Variants in INTS2 observed in about 807,000 individuals in gnomAD.
The protein encoded by INTS2 is integrator complex subunit 2.
INTS2 carries 57 observed loss-of-function variants against 139.6 expected under a neutral mutation model. The observed-to-expected ratio is 0.41, with a 90% CI of 0.33 to 0.51. The LOEUF (loss-of-function observed/expected upper bound fraction) is 0.51, where lower values mean the gene tolerates loss of function less well. Among genes scored for constraint, INTS2 ranks in the 20% least tolerant of loss-of-function variants. The pLI is 0.28. For synonymous variants in INTS2, 473 were observed against 493.4 expected (o/e 0.96, Z 0.55); for missense variants, 1,196 against 1,436.7 (o/e 0.83, Z 2.71).
rs2079360725 is a variant in INTS2, at chr17:61,897,426, GA to G, written c.1494+42del. The stretch of plus-strand genomic sequence containing the variant: ...ACACTACAACAAAATGTCCAGCTTA[GA>G]AACACCTTTTTTTTTTTAGAAAGAA... On this transcript the variant is annotated intron_variant, in intron 11 of 24. Coordinates refer to ENST00000251334, the MANE Select transcript of INTS2 (RefSeq NM_001351695.2). This position sits in a 1 kb window ranked among gnomAD's most constrained non-coding sequence, Gnocchi z 4.4. 16 of 1,201,932 alleles carry G rather than the reference GA, an allele frequency of 1.3e-5. No individual in the cohort carries two copies. Among genetic ancestry groups the G allele is most frequent in the Non-Finnish European group, 1.8e-5 (15 of 853,926 alleles). The allele number at this position is 1,201,932 out of a possible 1,614,324, so 74.5% of individuals were successfully genotyped here. A position where few individuals can be genotyped will look rare whatever the true frequency, so the allele number is the denominator to read the frequency against.
rs1367132461 is a variant in INTS2, at chr17:61,865,412, T to C, written c.*2145A>G. On this transcript the variant is annotated 3_prime_UTR_variant, in exon 25 of 25. Coordinates refer to ENST00000251334, the MANE Select transcript of INTS2 (RefSeq NM_001351695.2). This position sits in a 1 kb window ranked among gnomAD's most constrained non-coding sequence, Gnocchi z 4.8. ...AATGTTTATAAACCAATATTCAAAA[T>C]AGCTGCACACATCTGTTTTCACTTG... The C allele has an allele frequency of 1.3e-5, 2 of 152,758 alleles. No homozygotes were observed. Among genetic ancestry groups the C allele is most frequent in the South Asian group, 4.1e-4 (2 of 4,830 alleles). The allele number at this position is 152,758 out of a possible 1,614,324, so 9.5% of individuals were successfully genotyped here.
chr17:61,890,538 A>AG (rs1170073741), intron 14 of INTS2, among the ~76,000 whole-genome samples: 1 of 150,488 alleles, frequency 6.6e-6, no homozygotes, highest in African/African-American at 2.4e-5. Flanking sequence ...TGAACCCAGG[A>AG]GGCAGAGTTT....
intron 8 of INTS2, among the ~76,000 whole-genome samples, chr17:61,906,392 A>C (rs1603380174): frequency 1.3e-5 from 2 of 152,200 alleles, no homozygotes; most frequent in South Asian, 4.1e-4. Flanking sequence ...CATGAATCAA[A>C]TAACAGGTGT....
In INTS2 at chr17:61,897,027, T is replaced by G. The variant is rs75505779; in HGVS notation, c.1494+442A>C. Among the ~76,000 whole-genome samples the G allele has an allele frequency of 1.3e-5, 2 of 152,078 alleles. No homozygotes were observed. The highest frequency in any genetic ancestry group is 4.8e-5 in the African/African-American group (2 of 41,422). ...AGCATTATACAGAAACTAGAAAATC[T>G]ACATGGGAAATAATAAGGGACCTAT... On this transcript the variant is annotated intron_variant, in intron 11 of 24. Coordinates refer to ENST00000251334, the MANE Select transcript of INTS2 (RefSeq NM_001351695.2). The surrounding 1 kb of genome is among the most constrained non-coding windows in gnomAD (Gnocchi z 4.4).
chr17:61,899,855 C>T (rs1432356305), intron 9 of INTS2, among the ~76,000 whole-genome samples: 2 of 149,998 alleles, frequency 1.3e-5, no homozygotes, highest in African/African-American at 4.9e-5. Context: ...AAGGCTGCAG[C>T]GAGCCCTGAT....
At chr17:61,904,739 G>A (rs181287387) in intron 8 of INTS2, among the ~76,000 whole-genome samples, 154 bp from the exon 9 acceptor site, 109 of 152,264 alleles carry the variant, frequency 7.2e-4, no homozygotes, top group South Asian at 3.7e-3. Context: ...ATGCAAAACT[G>A]TTGAGAAATT....
At chr17:61,924,597 T>A (rs958980863) in intron 3 of INTS2, among the ~76,000 whole-genome samples, 5 of 152,136 alleles carry the variant, frequency 3.3e-5, no homozygotes, top group African/African-American at 1.2e-4. Flanking sequence ...GGCGGGTGGA[T>A]CACCTGAGTT....
chr17:61,888,577 G>A (rs1000526561), intron 15 of INTS2, among the ~76,000 whole-genome samples: 2 of 151,942 alleles, frequency 1.3e-5, no homozygotes, highest in Non-Finnish European at 2.9e-5. Flanking sequence ...GTGTGTGTGT[G>A]TGTGTGTGTG....
In INTS2 at chr17:61,903,917, G is replaced by C. The variant is rs147959992; in HGVS notation, c.1307+543C>G. 4.2e-3 allele frequency among the ~76,000 whole-genome samples: 645 copies of C among 152,058 alleles called. 4 individuals carry two copies. Among genetic ancestry groups the C allele is most frequent in the African/African-American group, 0.015 (620 of 41,478 alleles). Reference sequence around the variant, plus strand: ...AAAAATACCTAAAAGCAAAAATCAAGAGGTATCAAATACAAACATATTATT... The same window carrying C: ...AAAAATACCTAAAAGCAAAAATCAACAGGTATCAAATACAAACATATTATT... On this transcript the variant is annotated intron_variant, in intron 9 of 24. Transcript: ENST00000251334.
intron 9 of INTS2, among the ~76,000 whole-genome samples, chr17:61,898,346 G>A (rs2079370300): frequency 6.6e-6 from 1 of 152,152 alleles, no homozygotes; most frequent in Non-Finnish European, 1.5e-5. Context: ...CCAGGCTGGA[G>A]TGCAGTGGCG....
At chr17:61,911,420 AACCACTTGTCTAATG>A in intron 7 of INTS2, 85 bp downstream of exon 7, 1 of 999,326 alleles carries the variant, frequency 1.0e-6, no homozygotes, top group Non-Finnish European at 1.4e-6. Flanking sequence ...AAAGTGTGAG[AACCACTTGTCTAATG>A]ACATCATTCA....
At position 61,911,996 on chromosome 17, in the gene INTS2, A is replaced by C; in HGVS notation, c.724T>G (p.Leu242Val). 1 of 1,613,876 alleles carries C rather than the reference A, an allele frequency of 6.2e-7. No individual in the cohort carries two copies. The highest frequency in any genetic ancestry group is 1.3e-5 in the African/African-American group (1 of 75,038). Residue 242 changes from leucine to valine, a missense_variant, in exon 6 of 25, where the codon TTA becomes GTA. Transcript: ENST00000251334. ...GGATTCATTTTACACAAGAAGCGTAAGGCATCTGTCCTGCGCCTTCCTCCA... is the reference window on the plus strand; with the variant it reads ...GGATTCATTTTACACAAGAAGCGTACGGCATCTGTCCTGCGCCTTCCTCCA... ...SLGGRRRTDA[L>V]RFLCKMNPSQ...
Position 61,897,391 on chromosome 17 carries a change from C to T in INTS2, c.1494+78G>A. On this transcript the variant is annotated intron_variant, in intron 11 of 24. Transcript: ENST00000251334. The surrounding 1 kb of genome is among the most constrained non-coding windows in gnomAD (Gnocchi z 4.4). ...ACAATTAAAATTACTTAAATGAAAACAATCTATTTACACTACAACAAAATG... is the reference window on the plus strand; with the variant it reads ...ACAATTAAAATTACTTAAATGAAAATAATCTATTTACACTACAACAAAATG... 1.3e-6 allele frequency: 1 copy of T among 770,722 alleles called. No homozygotes were observed. The allele number at this position is 770,722 out of a possible 1,614,324, so 47.7% of individuals were successfully genotyped here.
Position 61,923,477 on chromosome 17 carries a change from C to CAAA in INTS2, c.432+1481_432+1483dup, listed in dbSNP as rs933124889. Among the ~76,000 whole-genome samples the CAAA allele has an allele frequency of 6.1e-3, 188 of 30,622 alleles. 7 individuals are homozygous for CAAA. The highest frequency in any genetic ancestry group is 0.023 in the African/African-American group (173 of 7,398). 20.1% of individuals were successfully genotyped at this position (30,622 alleles called of 152,430 possible). A position where few individuals can be genotyped will look rare whatever the true frequency, so the allele number is the denominator to read the frequency against. On this transcript the variant is annotated intron_variant, in intron 3 of 24. Transcript: ENST00000251334. ...GGGCGACAGAGTGAGACTCTGTCTCCAAAAAAAAAAAAAAAAAAAAAAAAA... is the reference window on the plus strand; with the variant it reads ...GGGCGACAGAGTGAGACTCTGTCTCCAAAAAAAAAAAAAAAAAAAAAAAAAAAA...
chr17:61,913,605 A>T (rs1159968099), intron 5 of INTS2, among the ~76,000 whole-genome samples: 1 of 152,146 alleles, frequency 6.6e-6, no homozygotes, highest in Non-Finnish European at 1.5e-5. Context: ...TGTGAGCCAC[A>T]TACCCAGCCA....
rs34773307 is a variant in INTS2, at chr17:61,906,963, C to CAAAA, written c.1181+441_1181+444dup. Among the ~76,000 whole-genome samples, 295 of 80,108 alleles carry CAAAA rather than the reference C, an allele frequency of 3.7e-3. 32 individuals carry two copies. Among genetic ancestry groups the CAAAA allele is most frequent in the African/African-American group, 0.012 (263 of 21,492 alleles). The allele number at this position is 80,108 out of a possible 152,430, so 52.6% of individuals were successfully genotyped here. ...TGGGCGACAGACGGAGATTCCATCTCAAAAAAAAAAAAAAAAAAAAACATT... is the reference window on the plus strand; with the variant it reads ...TGGGCGACAGACGGAGATTCCATCTCAAAAAAAAAAAAAAAAAAAAAAAAACATT... On this transcript the variant is annotated intron_variant, in intron 8 of 24. Coordinates refer to ENST00000251334, the MANE Select transcript of INTS2 (RefSeq NM_001351695.2).
Position 61,897,622 on chromosome 17 carries a change from GAGA to G in INTS2, c.1380-42_1380-40del, listed in dbSNP as rs779882842. 3.3e-5 allele frequency: 52 copies of G among 1,582,186 alleles called. No homozygotes were observed. Among genetic ancestry groups the G allele is most frequent in the Middle Eastern group, 1.7e-4 (1 of 6,020 alleles). Reference sequence around the variant, plus strand: ...ATAGGAAATATGAATTTTCCAAAGAGAGAAGAAGAAAAGCTTTCTCAACTAACT... The same window carrying G: ...ATAGGAAATATGAATTTTCCAAAGAGAGAAGAAAAGCTTTCTCAACTAACT... On this transcript the variant is annotated intron_variant, in intron 10 of 24. Transcript: ENST00000251334. The surrounding 1 kb of genome is among the most constrained non-coding windows in gnomAD (Gnocchi z 4.4).
intron 3 of INTS2, among the ~76,000 whole-genome samples, chr17:61,923,450 C>T (rs1220984106): frequency 4.2e-4 from 53 of 127,590 alleles, no homozygotes; most frequent in Admixed American, 3.4e-3. Flanking sequence ...GCACTCCAGC[C>T]TGGGCGACAG....
At chr17:61,885,045 G>A (rs1269902042) in intron 15 of INTS2, 40 bp from the exon 16 acceptor site, 1 of 1,337,964 alleles carries the variant, frequency 7.5e-7, no homozygotes, top group Non-Finnish European at 1.0e-6. Flanking sequence ...AAAATGTCCA[G>A]AAACAACAGA....
Sources: gnomAD v4.1 joint callset for allele counts (sites outside exome capture counted in the v4.1 genomes callset) on GRCh38, gnomAD v4.1.1 for gene constraint, Gnocchi (gnomAD v3.1) non-coding constraint, MANE v1.5 for transcripts, NCBI Gene and HGNC (gene_info 2026-07-23, HGNC 2026-07-21) for gene names.